Variants in ADAM10 observed in about 807,000 individuals in gnomAD.
ADAM10 encodes disintegrin and metalloproteinase domain-containing protein 10.
A neutral mutation model predicts 90.1 loss-of-function variants in ADAM10; 17 were observed. That is an observed-to-expected ratio of 0.19 (90% confidence interval 0.13 to 0.28). The LOEUF (loss-of-function observed/expected upper bound fraction) is 0.28, where lower values mean the gene tolerates loss of function less well. ADAM10 is among the 10% of genes least tolerant of loss of function. The probability of loss-of-function intolerance (pLI) is 1.00; values close to 1 mark genes in which losing one functional copy is unlikely to be tolerated. For missense variants in ADAM10, 610 were observed against 914.3 expected (o/e 0.67, Z 4.29); for synonymous variants, 310 against 298.6 (o/e 1.04, Z -0.40).
intron 5 of ADAM10, among the ~76,000 whole-genome samples, chr15:58,657,240 T>G (rs1228733220): frequency 6.6e-6 from 1 of 152,238 alleles, no homozygotes; most frequent in Non-Finnish European, 1.5e-5. Flanking sequence ...TTTTCTAGGT[T>G]TGAGAAGTTC....
chr15:58,662,385 T>C (rs897013069), intron 5 of ADAM10, among the ~76,000 whole-genome samples: 31 of 152,154 alleles, frequency 2.0e-4, no homozygotes, highest in African/African-American at 7.2e-4. Context: ...CGGGCTGGGG[T>C]GCCATGGCAC....
intron 4 of ADAM10, among the ~76,000 whole-genome samples, chr15:58,665,668 C>G (rs1314105428): frequency 1.3e-5 from 2 of 151,966 alleles, no homozygotes; most frequent in East Asian, 3.9e-4. Flanking sequence ...TCACAAAACA[C>G]AACTATCTAC....
At chr15:58,630,277 T>C (rs1407403620) in intron 9 of ADAM10, among the ~76,000 whole-genome samples, 1 of 152,216 alleles carries the variant, frequency 6.6e-6, no homozygotes, top group Non-Finnish European at 1.5e-5. Context: ...CATATTCATT[T>C]ACATCATATA....
chr15:58,609,015 A>G (rs1895360611), intron 14 of ADAM10: 1 of 152,166 alleles, frequency 6.6e-6, no homozygotes, highest in Admixed American at 6.5e-5. Context: ...AATCAGAAAA[A>G]AAAATAGCTG....
At chr15:58,622,304 G>T (rs1307662107) in intron 10 of ADAM10, among the ~76,000 whole-genome samples, 1 of 152,146 alleles carries the variant, frequency 6.6e-6, no homozygotes, top group Admixed American at 6.5e-5. Context: ...GCCAAGCCAT[G>T]TTCAATTTTC....
chr15:58,591,531 G>GGGATTACA lies in ADAM10; in HGVS notation c.*6008_*6015dup, dbSNP rs1464096718. ...TCCCACCTTGGCCTCCCAAAGTGTT[G>GGGATTACA]GGATTACAGGTATGAGCCATCACAA... On this transcript the variant is annotated 3_prime_UTR_variant, in exon 16 of 16. Coordinates refer to ENST00000260408, the MANE Select transcript of ADAM10 (RefSeq NM_001110.4). 6.6e-6 allele frequency: 1 copy of GGGATTACA among 151,822 alleles called. No homozygotes were observed. Among genetic ancestry groups the GGGATTACA allele is most frequent in the Non-Finnish European group, 1.5e-5 (1 of 67,976 alleles). The allele number at this position is 151,822 out of a possible 1,614,324, so 9.4% of individuals were successfully genotyped here. A position where few individuals can be genotyped will look rare whatever the true frequency, so the allele number is the denominator to read the frequency against.
chr15:58,629,056 G>A (rs1160513885), intron 9 of ADAM10, among the ~76,000 whole-genome samples: 1 of 152,120 alleles, frequency 6.6e-6, no homozygotes, highest in African/African-American at 2.4e-5. Context: ...TGAAAAAGGT[G>A]TAGCACTAGA....
chr15:58,693,464 T>C (rs1475702473), intron 2 of ADAM10, among the ~76,000 whole-genome samples: 4 of 152,146 alleles, frequency 2.6e-5, no homozygotes, highest in Non-Finnish European at 4.4e-5. Context: ...GGTCTCAACA[T>C]ATATAGATCA....
chr15:58,740,563 GTATT>G (rs1173083573), intron 1 of ADAM10, among the ~76,000 whole-genome samples: 4 of 151,940 alleles, frequency 2.6e-5, no homozygotes, highest in African/African-American at 7.2e-5. Context: ...CATTTTTCTT[GTATT>G]TATTTATTTA....
chr15:58,682,713 T>A (rs115538402), intron 2 of ADAM10, among the ~76,000 whole-genome samples: 351 of 152,300 alleles, frequency 2.3e-3, no homozygotes, highest in African/African-American at 8.0e-3. Context: ...CCTTACTTTC[T>A]ACAAGTTAAA....
At chr15:58,738,355 A>T (rs879295817) in intron 1 of ADAM10, among the ~76,000 whole-genome samples, 3 of 152,250 alleles carry the variant, frequency 2.0e-5, no homozygotes, top group Admixed American at 2.0e-4. Flanking sequence ...GTAGGCTTCC[A>T]GGAACTATCA....
chr15:58,645,906 T>C (rs1055358613), intron 6 of ADAM10, 149 bp downstream of exon 6: 13 of 779,360 alleles, frequency 1.7e-5, no homozygotes, highest in Non-Finnish European at 2.7e-5. Context: ...CAGTTATCCA[T>C]GTACTTATCT....
At chr15:58,746,702 G>A (rs1899803218) in intron 1 of ADAM10, among the ~76,000 whole-genome samples, 1 of 152,094 alleles carries the variant, frequency 6.6e-6, no homozygotes, top group African/African-American at 2.4e-5. Flanking sequence ...CTAGGGACGA[G>A]GAGTTTGAGA....
intron 14 of ADAM10, among the ~76,000 whole-genome samples, chr15:58,605,648 G>A (rs544221020): frequency 1.1e-4 from 16 of 152,266 alleles, no homozygotes; most frequent in African/African-American, 3.9e-4. Flanking sequence ...CATTTACTGA[G>A]CGTAAACTGA....
intron 2 of ADAM10, chr15:58,692,771 C>A: frequency 1.6e-6 from 1 of 611,096 alleles, no homozygotes; most frequent in South Asian, 1.4e-5. Flanking sequence ...GTGATGGCTA[C>A]TTTCTCTGCC....
chr15:58,714,239 T>A (rs1490679324), intron 2 of ADAM10, among the ~76,000 whole-genome samples: 2 of 151,998 alleles, frequency 1.3e-5, no homozygotes, highest in Admixed American at 1.3e-4. Context: ...AGTGTGTTCA[T>A]GTGCTTAGAC....
At chr15:58,599,060 G>A (rs910433738) in intron 15 of ADAM10, among the ~76,000 whole-genome samples, 2 of 151,974 alleles carry the variant, frequency 1.3e-5, no homozygotes, top group African/African-American at 4.8e-5. Flanking sequence ...TGCAGTGCAC[G>A]CGCCTATAGT....
intron 5 of ADAM10, among the ~76,000 whole-genome samples, 172 bp from the exon 6 acceptor site, chr15:58,646,376 T>C (rs1488401873): frequency 1.3e-5 from 2 of 152,234 alleles, no homozygotes; most frequent in East Asian, 3.8e-4. Context: ...CTTCTCCATA[T>C]AGATTATTTA....
At chr15:58,613,077 T>C (rs1182374463) in intron 11 of ADAM10, among the ~76,000 whole-genome samples, 1 of 152,034 alleles carries the variant, frequency 6.6e-6, no homozygotes, top group East Asian at 1.9e-4. Flanking sequence ...AAAATGAGAA[T>C]AGGAGGGCCC....
Sources: allele counts gnomAD v4.1 joint callset (sites outside exome capture counted in the v4.1 genomes callset), GRCh38; gene constraint gnomAD v4.1.1; transcripts MANE v1.5; gene names NCBI Gene and HGNC (gene_info 2026-07-23, HGNC 2026-07-21).